DYNC2H1: variants seen among roughly 807,000 people sequenced by gnomAD.
DYNC2H1 encodes the protein cytoplasmic dynein 2 heavy chain 1.
Under a neutral mutation model 570.0 loss-of-function variants are expected in DYNC2H1, and 410 were observed. The ratio of observed to expected loss-of-function variants is 0.72; its 90% confidence interval spans 0.66 to 0.78. The LOEUF is 0.78. Among genes scored for constraint, DYNC2H1 ranks in the 30% least tolerant of loss-of-function variants. DYNC2H1 has a pLI of 0.00. For synonymous variants in DYNC2H1, 1,688 were observed against 1,677.6 expected (o/e 1.01, Z -0.15); for missense variants, 4,865 against 5,046.4 (o/e 0.96, Z 1.09).
chr11:103,364,135 A>T (rs973589031), intron 83 of DYNC2H1, among the ~76,000 whole-genome samples: 8 of 152,238 alleles, frequency 5.3e-5, no homozygotes, highest in African/African-American at 1.7e-4. Flanking sequence ...TGTGAATACT[A>T]TTAACAATAT....
At chr11:103,373,933 A>G (rs946366562) in intron 83 of DYNC2H1, among the ~76,000 whole-genome samples, 4 of 152,194 alleles carry the variant, frequency 2.6e-5, no homozygotes, top group Non-Finnish European at 5.9e-5. Flanking sequence ...TAGCGTTAAT[A>G]TAATGAGCTC....
At chr11:103,286,174 C>T in intron 73 of DYNC2H1, 81 bp from the exon 74 acceptor site, 1 of 1,532,796 alleles carries the variant, frequency 6.5e-7, no homozygotes, top group Non-Finnish European at 8.8e-7. Context: ...AATTGGTTCT[C>T]ACTTTTAGTT....
At chr11:103,158,544 C>T in intron 26 of DYNC2H1, 133 bp from the exon 27 acceptor site, 1 of 608,884 alleles carries the variant, frequency 1.6e-6, no homozygotes, top group Non-Finnish European at 2.8e-6. Context: ...ATTTAACATT[C>T]CTAGAGGTGT....
In DYNC2H1 at chr11:103,393,493, T is replaced by C. The variant is rs553661693; in HGVS notation, c.12157-6170T>C. Among the ~76,000 whole-genome samples, 15 of 152,346 alleles carry C rather than the reference T, an allele frequency of 9.8e-5. 1 individual carries two copies. Among genetic ancestry groups the C allele is most frequent in the Admixed American group, 8.5e-4 (13 of 15,306 alleles). On this transcript the variant is annotated intron_variant, in intron 83 of 88. Coordinates refer to ENST00000375735, the MANE Select transcript of DYNC2H1 (RefSeq NM_001377.3). ...ATAGCCTACTTCAAAAATTATTTGC[T>C]TTAAAATTATTTACTCATTTCATAT...
intron 78 of DYNC2H1, among the ~76,000 whole-genome samples, chr11:103,310,947 A>T (rs7116688): frequency 2.6e-4 from 39 of 151,744 alleles, no homozygotes; most frequent in African/African-American, 8.9e-4. Flanking sequence ...AGTGATCCAC[A>T]CACCTCAGCT....
chr11:103,236,482 A>C lies in DYNC2H1; in HGVS notation c.9762A>C (p.Lys3254Asn). 3 of 1,610,258 alleles carry C rather than the reference A, an allele frequency of 1.9e-6. No homozygotes were observed. The highest frequency in any genetic ancestry group is 2.5e-6 in the Non-Finnish European group (3 of 1,177,350). Residue 3254 changes from lysine (K) to asparagine (N), a missense_variant, in exon 63 of 89, where the codon AAA (lysine) becomes AAC (asparagine). Coordinates refer to ENST00000375735, the MANE Select transcript of DYNC2H1 (RefSeq NM_001377.3). Reference sequence around the variant, plus strand: ...CTGAAAGTGAGCAGTTAATTTGGAAAAGTGAAGGCCTACCATCAGATGACC... The same window carrying C: ...CTGAAAGTGAGCAGTTAATTTGGAACAGTGAAGGCCTACCATCAGATGACC... ...LCTESEQLIWKSEGLPSDDLS... is the reference protein window; with the variant it reads ...LCTESEQLIWNSEGLPSDDLS...
At chr11:103,328,420 C>T (rs543156243) in intron 82 of DYNC2H1, among the ~76,000 whole-genome samples, 4 of 152,170 alleles carry the variant, frequency 2.6e-5, no homozygotes, top group Admixed American at 6.5e-5. Flanking sequence ...CACATTTAAA[C>T]ACCCTTATTT....
At position 103,244,892 on chromosome 11, in the gene DYNC2H1, C is replaced by A. The variant is rs1864553721; in HGVS notation, c.9919-359C>A. Among the ~76,000 whole-genome samples, 1 of 150,788 alleles carries A rather than the reference C, an allele frequency of 6.6e-6. No homozygotes were observed. The highest frequency in any genetic ancestry group is 2.4e-5 in the African/African-American group (1 of 41,180). The stretch of plus-strand genomic sequence containing the variant: ...TATATACACACACATACCACACATA[C>A]ACACACACATACACACGCCTGGGGT... On this transcript the variant is annotated intron_variant, in intron 64 of 88. Coordinates refer to ENST00000375735, the MANE Select transcript of DYNC2H1 (RefSeq NM_001377.3). This position sits in a 1 kb window ranked among gnomAD's most constrained non-coding sequence, Gnocchi z 4.3.
intron 84 of DYNC2H1, among the ~76,000 whole-genome samples, chr11:103,418,253 C>T (rs937221081): frequency 9.2e-5 from 14 of 152,086 alleles, no homozygotes; most frequent in Non-Finnish European, 1.8e-4. Flanking sequence ...GCAGAGGATA[C>T]TATCATCTAT....
intron 83 of DYNC2H1, among the ~76,000 whole-genome samples, chr11:103,366,985 G>T (rs1259441769): frequency 6.6e-6 from 1 of 151,976 alleles, no homozygotes; most frequent in Non-Finnish European, 1.5e-5. Flanking sequence ...ACAAAAAATA[G>T]GTCTGTAGAA....
At chr11:103,373,676 A>G (rs1232685460) in intron 83 of DYNC2H1, among the ~76,000 whole-genome samples, 1 of 152,130 alleles carries the variant, frequency 6.6e-6, no homozygotes, top group Non-Finnish European at 1.5e-5. Flanking sequence ...TGTTGGATGG[A>G]ATGTTCTATA....
intron 82 of DYNC2H1, among the ~76,000 whole-genome samples, chr11:103,353,288 G>A (rs905145400): frequency 2.6e-5 from 4 of 152,088 alleles, no homozygotes; most frequent in African/African-American, 9.7e-5. Flanking sequence ...CATGTATCCC[G>A]AAACTTAAAT....
At chr11:103,462,144 C>A (rs1188965781) in intron 87 of DYNC2H1, among the ~76,000 whole-genome samples, 1 of 152,082 alleles carries the variant, frequency 6.6e-6, no homozygotes, top group African/African-American at 2.4e-5. Flanking sequence ...TCAGGTTCCA[C>A]CTTTCATTTA....
At chr11:103,288,904 A>C in intron 75 of DYNC2H1, among the ~76,000 whole-genome samples, 1 of 150,974 alleles carries the variant, frequency 6.6e-6, no homozygotes, top group Non-Finnish European at 1.5e-5. Flanking sequence ...AAAGAAAGAA[A>C]ATTATGGTTT....
intron 75 of DYNC2H1, among the ~76,000 whole-genome samples, chr11:103,294,704 T>G (rs1403050107): frequency 6.6e-6 from 1 of 152,180 alleles, no homozygotes; most frequent in Non-Finnish European, 1.5e-5. Context: ...AGCACAGTAC[T>G]GAGGCTTGCC....
At chr11:103,290,248 A>G (rs1866540659) in intron 75 of DYNC2H1, among the ~76,000 whole-genome samples, 1 of 152,068 alleles carries the variant, frequency 6.6e-6, no homozygotes, top group Non-Finnish European at 1.5e-5. Context: ...TTTTCACATA[A>G]TGCCTATCTT....
intron 88 of DYNC2H1, among the ~76,000 whole-genome samples, 186 bp from the exon 89 acceptor site, chr11:103,478,909 A>T (rs2135878700): frequency 6.6e-6 from 1 of 152,206 alleles, no homozygotes; most frequent in African/African-American, 2.4e-5. Flanking sequence ...GGGGCTAGGG[A>T]GAGGTTGTAA....
chr11:103,393,483 A>G (rs1292356878), intron 83 of DYNC2H1, among the ~76,000 whole-genome samples: 1 of 152,170 alleles, frequency 6.6e-6, no homozygotes, highest in Non-Finnish European at 1.5e-5. Flanking sequence ...CTACTTCAAA[A>G]ATTATTTGCT....
At chr11:103,391,789 G>C (rs534641628) in intron 83 of DYNC2H1, among the ~76,000 whole-genome samples, 1 of 152,300 alleles carries the variant, frequency 6.6e-6, no homozygotes, top group East Asian at 1.9e-4. Context: ...CTGGGTATCA[G>C]CAGCAGAGGC....
Sources: allele counts gnomAD v4.1 joint callset (sites outside exome capture counted in the v4.1 genomes callset), GRCh38; gene constraint gnomAD v4.1.1; non-coding constraint Gnocchi (gnomAD v3.1); transcripts MANE v1.5; gene names NCBI Gene and HGNC (gene_info 2026-07-23, HGNC 2026-07-21).